The following NCKAP5 variants were observed in gnomAD, a reference collection of about 807,000 sequenced individuals.
NCKAP5 encodes NCK associated protein 5, also known as nck-associated protein 5.
A neutral mutation model predicts 167.0 loss-of-function variants in NCKAP5; 92 were observed. That is an observed-to-expected ratio of 0.55 (90% CI 0.47 to 0.66). The LOEUF (loss-of-function observed/expected upper bound fraction) is 0.66. NCKAP5 is among the 30% of genes least tolerant of loss of function. The pLI is 0.00. For missense variants in NCKAP5, 2,378 were observed against 2,315.0 expected (o/e 1.03, Z -0.56); for synonymous variants, 891 against 877.4 (o/e 1.02, Z -0.27).
intron 3 of NCKAP5, among the ~76,000 whole-genome samples, chr2:133,396,936 C>G (rs1013746310): frequency 1.3e-5 from 2 of 152,204 alleles, no homozygotes; most frequent in African/African-American, 4.8e-5. Flanking sequence ...AGCTTCCTGA[C>G]TGCGTGAGAT....
intron 5 of NCKAP5, among the ~76,000 whole-genome samples, chr2:133,143,897 G>C (rs959389042): frequency 3.3e-5 from 5 of 152,018 alleles, no homozygotes; most frequent in African/African-American, 9.7e-5. Flanking sequence ...TCTGATTCCA[G>C]GAACCTAGGG....
At chr2:133,458,824 TGTTAA>T (rs1211467911) in intron 3 of NCKAP5, among the ~76,000 whole-genome samples, 1 of 152,130 alleles carries the variant, frequency 6.6e-6, no homozygotes, top group Non-Finnish European at 1.5e-5. Flanking sequence ...CTGTTTAAAT[TGTTAA>T]GTTATCAATG....
intron 3 of NCKAP5, among the ~76,000 whole-genome samples, chr2:133,311,877 C>T (rs1315443250): frequency 6.6e-6 from 1 of 152,172 alleles, no homozygotes; most frequent in African/African-American, 2.4e-5. Flanking sequence ...TAGCAGTTTT[C>T]TAAATTACTT....
At chr2:133,628,338 G>T in the NCKAP5 span, among the ~76,000 whole-genome samples, 3 of 152,032 alleles carry the variant, frequency 2.0e-5, no homozygotes, top group Non-Finnish European at 2.9e-5. Flanking sequence ...AAGTATTCCT[G>T]TACACCAACA....
At chr2:133,541,025 G>T (rs913668242) in intron 2 of NCKAP5, among the ~76,000 whole-genome samples, 1 of 150,260 alleles carries the variant, frequency 6.7e-6, no homozygotes, top group African/African-American at 2.4e-5. Context: ...TTTTTAAAGG[G>T]TATAAAGATA....
At chr2:133,016,786 A>C (rs2149378894) in intron 6 of NCKAP5, among the ~76,000 whole-genome samples, 1 of 152,360 alleles carries the variant, frequency 6.6e-6, no homozygotes, top group South Asian at 2.1e-4. Flanking sequence ...CAAGGTGATC[A>C]ACCTCACCAA....
At chr2:133,325,270 T>G (rs1050828555) in intron 3 of NCKAP5, among the ~76,000 whole-genome samples, 7 of 152,066 alleles carry the variant, frequency 4.6e-5, no homozygotes, top group Non-Finnish European at 7.4e-5. Context: ...GTCTCCAAAG[T>G]GTGTACTCTG....
intron 19 of NCKAP5, among the ~76,000 whole-genome samples, chr2:132,715,290 C>T (rs981956855): frequency 1.3e-5 from 2 of 152,132 alleles, no homozygotes; most frequent in Non-Finnish European, 2.9e-5. Flanking sequence ...AAGAAAGTTC[C>T]TTCTACTGAC....
intron 11 of NCKAP5, among the ~76,000 whole-genome samples, chr2:132,859,714 T>C (rs1160248662): frequency 6.6e-6 from 1 of 152,192 alleles, no homozygotes; most frequent in Non-Finnish European, 1.5e-5. Flanking sequence ...CGATGCAGTC[T>C]TTGACAGCTT....
At chr2:132,883,351 G>A (rs534267728) in intron 8 of NCKAP5, among the ~76,000 whole-genome samples, 1 of 151,930 alleles carries the variant, frequency 6.6e-6, no homozygotes, top group South Asian at 2.1e-4. Flanking sequence ...ACTTTGCCAG[G>A]GTATATCATT....
chr2:132,745,318 A>G (rs1044404833), intron 16 of NCKAP5, among the ~76,000 whole-genome samples: 12 of 151,864 alleles, frequency 7.9e-5, no homozygotes, highest in Admixed American at 2.0e-4. Context: ...AATCAATATT[A>G]AAAGAAAAAC....
intron 3 of NCKAP5, among the ~76,000 whole-genome samples, chr2:133,383,464 T>A (rs965698265): frequency 6.6e-6 from 1 of 152,038 alleles, no homozygotes; most frequent in African/African-American, 2.4e-5. Context: ...CAGTCTATCA[T>A]TGTTGGACAT....
At chr2:133,269,439 G>A (rs2089410145) in intron 4 of NCKAP5, among the ~76,000 whole-genome samples, 1 of 152,196 alleles carries the variant, frequency 6.6e-6, no homozygotes, top group Non-Finnish European at 1.5e-5. Flanking sequence ...CTGAATGAAT[G>A]ATTAAAGGAG....
intron 16 of NCKAP5, among the ~76,000 whole-genome samples, chr2:132,745,237 A>G (rs1053602884): frequency 1.2e-4 from 19 of 152,026 alleles, no homozygotes; most frequent in Non-Finnish European, 2.7e-4. Context: ...GCATTTTTGC[A>G]TAATTAAGCA....
chr2:132,829,193 A>G (rs1364970427), intron 11 of NCKAP5, among the ~76,000 whole-genome samples: 1 of 152,248 alleles, frequency 6.6e-6, no homozygotes, highest in Non-Finnish European at 1.5e-5. Context: ...TTATTTAAGC[A>G]TCAAAGTAAA....
chr2:133,186,743 G>T (rs1574311010), intron 5 of NCKAP5, among the ~76,000 whole-genome samples: 1 of 151,952 alleles, frequency 6.6e-6, no homozygotes. Context: ...GTGCAGAGAG[G>T]TTTTCACAAT....
intron 11 of NCKAP5, among the ~76,000 whole-genome samples, chr2:132,858,114 G>A (rs1000638086): frequency 6.8e-6 from 1 of 146,824 alleles, no homozygotes; most frequent in Admixed American, 6.9e-5. Flanking sequence ...AACTAATGCA[G>A]CCTTCTAAGA....
chr2:133,311,761 G>A (rs902079917), intron 3 of NCKAP5, among the ~76,000 whole-genome samples: 2 of 152,144 alleles, frequency 1.3e-5, no homozygotes, highest in African/African-American at 4.8e-5. Context: ...AGGAGTCAAA[G>A]ACCAAATATT....
chr2:133,561,809 A>ACATATATG (rs1179072704), intron 1 of NCKAP5, among the ~76,000 whole-genome samples: 2 of 152,230 alleles, frequency 1.3e-5, no homozygotes, highest in Non-Finnish European at 2.9e-5. Flanking sequence ...ATTATATTTG[A>ACATATATG]CATATATGTC....
Sources: gnomAD v4.1 joint callset for allele counts (sites outside exome capture counted in the v4.1 genomes callset) on GRCh38, gnomAD v4.1.1 for gene constraint, MANE v1.5 for transcripts, NCBI Gene and HGNC (gene_info 2026-07-23, HGNC 2026-07-21) for gene names.